FAM120B: variants seen among roughly 807,000 people sequenced by gnomAD.
FAM120B encodes the protein family with sequence similarity 120 member B, also known as constitutive coactivator of peroxisome proliferator-activated receptor gamma.
In FAM120B, 83 loss-of-function variants were observed where a neutral mutation model predicts 96.3. That is an observed-to-expected ratio of 0.86 (90% CI 0.72 to 1.03). The LOEUF (loss-of-function observed/expected upper bound fraction) is 1.03. Ranked by LOEUF, FAM120B falls within the 50% of genes least tolerant of loss-of-function variation. The pLI is 0.00. For synonymous variants in FAM120B, 407 were observed against 402.7 expected, an observed-to-expected ratio of 1.01 and a Z score of -0.13; for missense variants, 1,027 against 1,121.2, an observed-to-expected ratio of 0.92 and a Z score of 1.20.
At chr6:170,369,519 G>C (rs1789038002) in intron 6 of FAM120B, among the ~76,000 whole-genome samples, 1 of 152,178 alleles carries the variant, frequency 6.6e-6, no homozygotes, top group Non-Finnish European at 1.5e-5. Context: ...AGAAAGCAGA[G>C]AATTCCGAGT....
upstream of FAM120B, among the ~76,000 whole-genome samples, chr6:170,294,219 C>T (rs992416327): frequency 1.3e-5 from 2 of 152,182 alleles, no homozygotes; most frequent in Admixed American, 6.5e-5. The surrounding 1 kb of genome is among the most constrained non-coding windows in gnomAD (Gnocchi z 7.9). Flanking sequence ...ACTATAAATC[C>T]TCACCTTGCT....
At chr6:170,322,296 G>A (rs1164855364) in intron 2 of FAM120B, among the ~76,000 whole-genome samples, 1 of 152,198 alleles carries the variant, frequency 6.6e-6, no homozygotes, top group Non-Finnish European at 1.5e-5. Context: ...TTTAATAAGG[G>A]AGGCAGACCA....
rs12215034 is a variant in FAM120B, at chr6:170,405,762, A to C, written c.*1011A>C. ...GGTTCTGCCTGGGAGACATGACAGCATGTGTGTGACTCCTGTGTCTGTTTC... is the reference window on the plus strand; with the variant it reads ...GGTTCTGCCTGGGAGACATGACAGCCTGTGTGTGACTCCTGTGTCTGTTTC... On this transcript the variant is annotated 3_prime_UTR_variant, in exon 11 of 11. Transcript: ENST00000476287. 5 of 152,204 alleles carry C rather than the reference A, an allele frequency of 3.3e-5. No homozygotes were observed. The highest frequency in any genetic ancestry group is 9.7e-5 in the African/African-American group (4 of 41,448). 9.4% of individuals were successfully genotyped at this position (152,204 alleles called of 1,614,324 possible).
At chr6:170,360,981 G>T (rs1024881346) in intron 6 of FAM120B, among the ~76,000 whole-genome samples, 1 of 151,758 alleles carries the variant, frequency 6.6e-6, no homozygotes, top group Non-Finnish European at 1.5e-5. Context: ...CGTTGCAGTC[G>T]TATTGCATTG....
chr6:170,317,701 G>A lies in FAM120B; in HGVS notation c.311G>A (p.Arg104Gln), dbSNP rs777800651. The change falls in exon 2 of 11, where the codon CGA (arginine) becomes CAA (glutamine). Residue 104 changes from arginine to glutamine, a missense_variant. Physicochemically the swap from Arg to Gln is conservative, Grantham distance 43 (BLOSUM62 1). Around this residue, in one of 3 missense-constraint regions of FAM120B, gnomAD observed 880 missense variants for 980.9 expected, o/e 0.90. Transcript: ENST00000476287. ...GATAAGAGAGATGAATGGGTGAAACGAAGGCTCAAGAACAACAGGGAGATA... is the reference window on the plus strand; with the variant it reads ...GATAAGAGAGATGAATGGGTGAAACAAAGGCTCAAGAACAACAGGGAGATA... Reference protein sequence around the residue: ...EQDKRDEWVKRRLKNNREISR... With the variant: ...EQDKRDEWVKQRLKNNREISR... 1.3e-5 allele frequency: 21 copies of A among 1,614,024 alleles called. No individual in the cohort carries two copies. Among genetic ancestry groups the A allele is most frequent in the Non-Finnish European group, 1.8e-5 (21 of 1,180,008 alleles).
upstream of FAM120B, chr6:170,295,282 C>A: frequency 1.5e-6 from 1 of 646,410 alleles, no homozygotes; most frequent in Non-Finnish European, 2.8e-6. This position sits in a 1 kb window ranked among gnomAD's most constrained non-coding sequence, Gnocchi z 7.8. Context: ...GTCCCCTGCC[C>A]AGCCACGCCC....
In FAM120B at chr6:170,359,813, A is replaced by AT. The variant is rs937792270; in HGVS notation, c.2283+1504dup. 6.6e-5 allele frequency among the ~76,000 whole-genome samples: 10 copies of AT among 151,960 alleles called. 1 individual carries two copies. Among genetic ancestry groups the AT allele is most frequent in the South Asian group, 2.1e-4 (1 of 4,820 alleles). On this transcript the variant is annotated intron_variant, in intron 6 of 10. Transcript: ENST00000476287. ...CAGTCCAACTAATGAACAATGCCAG[A>AT]TTTTTTTTTGTATTAGAAATTTCAT...
upstream of FAM120B, among the ~76,000 whole-genome samples, chr6:170,292,957 C>T (rs1212184143): frequency 1.3e-5 from 2 of 152,166 alleles, no homozygotes; most frequent in Non-Finnish European, 2.9e-5. This position sits in a 1 kb window ranked among gnomAD's most constrained non-coding sequence, Gnocchi z 6.6. Context: ...TGGTTCAGAG[C>T]AAATGGAGGC....
Position 170,313,590 on chromosome 6 carries a change from T to C in FAM120B, c.-21-3780T>C, listed in dbSNP as rs139557743. On this transcript the variant is annotated intron_variant, in intron 1 of 10. Coordinates refer to ENST00000476287, the MANE Select transcript of FAM120B (RefSeq NM_032448.3). ...CCATTAGAGTACAAACATTGTGATGTTATATGCTAGTTTGTAGATTCGAGA... is the reference window on the plus strand; with the variant it reads ...CCATTAGAGTACAAACATTGTGATGCTATATGCTAGTTTGTAGATTCGAGA... 8.7e-3 allele frequency among the ~76,000 whole-genome samples: 1,332 copies of C among 152,352 alleles called. 31 individuals are homozygous for C. The highest frequency in any genetic ancestry group is 0.031 in the African/African-American group (1,285 of 41,582).
chr6:170,368,211 G>C (rs905065650), intron 6 of FAM120B, among the ~76,000 whole-genome samples: 16 of 152,314 alleles, frequency 1.1e-4, no homozygotes, highest in African/African-American at 3.9e-4. Flanking sequence ...GGAACGGTTT[G>C]CACCAGGTCA....
At chr6:170,346,064 TAG>T (rs1787161679) in intron 4 of FAM120B, among the ~76,000 whole-genome samples, 1 of 152,160 alleles carries the variant, frequency 6.6e-6, no homozygotes, top group Admixed American at 6.5e-5. Flanking sequence ...ATAGAAAAGG[TAG>T]AGTAAAAATA....
At chr6:170,401,082 C>T (rs140422620) in intron 9 of FAM120B, among the ~76,000 whole-genome samples, 19 of 152,352 alleles carry the variant, frequency 1.2e-4, no homozygotes, top group African/African-American at 4.3e-4. Flanking sequence ...ATTAAAACAG[C>T]ATAATGACTT....
chr6:170,391,534 C>CA (rs879450170), intron 8 of FAM120B, among the ~76,000 whole-genome samples: 34 of 142,004 alleles, frequency 2.4e-4, no homozygotes, highest in African/African-American at 3.6e-4. Context: ...GACTCCATCT[C>CA]AAAAAAAAAA....
In FAM120B at chr6:170,359,374, C is replaced by T. The variant is rs1310740361; in HGVS notation, c.2283+1056C>T. Among the ~76,000 whole-genome samples the T allele has an allele frequency of 2.1e-5, 3 of 145,454 alleles. No individual in the cohort carries two copies. In the East Asian group the frequency reaches 6.0e-4, roughly 29 times the overall value. The stretch of plus-strand genomic sequence containing the variant: ...TGCCATTGCACTCCAACCTGGGCAA[C>T]AAGAGCGAAACTCTGTCTCAAAAAA... On this transcript the variant is annotated intron_variant, in intron 6 of 10. Coordinates refer to ENST00000476287, the MANE Select transcript of FAM120B (RefSeq NM_032448.3).
At chr6:170,391,250 T>C in intron 8 of FAM120B, 129 bp downstream of exon 8, 1 of 716,106 alleles carries the variant, frequency 1.4e-6, no homozygotes, top group South Asian at 1.6e-5. Context: ...ATTTAAATGA[T>C]AGGGCCGGGT....
At chr6:170,356,671 C>A (rs1787974759) in intron 5 of FAM120B, among the ~76,000 whole-genome samples, 1 of 152,088 alleles carries the variant, frequency 6.6e-6, no homozygotes, top group Admixed American at 6.6e-5. Flanking sequence ...TTTTACATCC[C>A]ATGAACATTG....
chr6:170,302,187 G>A (rs147665083), upstream of FAM120B, among the ~76,000 whole-genome samples: 1,543 of 152,290 alleles, frequency 0.01, 38 homozygotes, highest in African/African-American at 0.036. Flanking sequence ...ACTTACAATC[G>A]TGTTGGAAGG....
chr6:170,349,581 A>G (rs1787441072), intron 5 of FAM120B, among the ~76,000 whole-genome samples: 1 of 152,238 alleles, frequency 6.6e-6, no homozygotes, highest in Admixed American at 6.5e-5. Flanking sequence ...TTTCACATGC[A>G]CCAATGTAAA....
chr6:170,360,859 C>G (rs973192189), intron 6 of FAM120B, among the ~76,000 whole-genome samples: 1 of 152,104 alleles, frequency 6.6e-6, no homozygotes, highest in Non-Finnish European at 1.5e-5. Flanking sequence ...GGCAGAGTCA[C>G]CACTCAGCAG....
Sources: gnomAD v4.1 joint callset for allele counts (sites outside exome capture counted in the v4.1 genomes callset) on GRCh38, gnomAD v4.1.1 for gene constraint, gnomAD v4.1.1 regional missense constraint, Gnocchi (gnomAD v3.1) non-coding constraint, MANE v1.5 for transcripts, NCBI Gene and HGNC (gene_info 2026-07-23, HGNC 2026-07-21) for gene names.